TUSC3: variants seen among roughly 807,000 people sequenced by gnomAD.
TUSC3 encodes the protein dolichyl-diphosphooligosaccharide--protein glycosyltransferase subunit TUSC3.
Under a neutral mutation model 44.8 loss-of-function variants are expected in TUSC3, and 45 were observed. The ratio of observed to expected loss-of-function variants is 1.00; its 90% CI spans 0.79 to 1.29. The LOEUF is 1.29. Ranked by LOEUF, TUSC3 falls within the 50% of genes most tolerant of loss-of-function variation. The probability of loss-of-function intolerance (pLI) is 0.00; values close to 1 mark genes in which losing one functional copy is unlikely to be tolerated. For missense variants in TUSC3, 519 were observed against 437.9 expected (o/e 1.19, Z -1.65); for synonymous variants, 212 against 152.9 (o/e 1.39, Z -2.85).
Position 15,484,054 on chromosome 8 carries a change from A to T in TUSC3, n.189+571A>T, listed in dbSNP as rs189404955. Among the ~76,000 whole-genome samples, 77 of 152,242 alleles carry T rather than the reference A, an allele frequency of 5.1e-4. 1 individual carries two copies. Among genetic ancestry groups the T allele is most frequent in the African/African-American group, 1.8e-3 (76 of 41,548 alleles). ...TTTCTCTCCCACCGTATTAGTATGT[A>T]TGTTATATTAGGTCTATTTGTAGTG... On this transcript the variant is annotated intron_variant and non_coding_transcript_variant, in intron 2 of 5. Coordinates refer to the TUSC3 transcript ENST00000503191.
At chr8:15,608,455 C>CA (rs1236887308) in intron 1 of TUSC3, among the ~76,000 whole-genome samples, 4 of 152,142 alleles carry the variant, frequency 2.6e-5, no homozygotes, top group African/African-American at 9.7e-5. Flanking sequence ...TAATATTACT[C>CA]AGTCTTCCAC....
rs1252617740 is a variant in TUSC3, at chr8:15,743,594, G to A, written c.919G>A (p.Asp307Asn). ...LLNEAATSKG[D>N]VGKRRIICLV... is the part of the protein sequence containing the mutation. ...AAATGAAGCAGCAACTTCGAAAGGC[G>A]ATGTTGGAAAAAGACGGAGTAAGTC... The change falls in exon 8 of 11, where the codon GAT (aspartate) becomes AAT (asparagine). Residue 307 changes from aspartate (D) to asparagine (N), a missense_variant. Coordinates refer to ENST00000503731, the MANE Select transcript of TUSC3 (RefSeq NM_006765.4). 4 of 1,613,744 alleles carry A rather than the reference G, an allele frequency of 2.5e-6. No individual in the cohort carries two copies. Among genetic ancestry groups the A allele is most frequent in the Admixed American group, 3.3e-5 (2 of 59,982 alleles).
At chr8:15,631,137 GT>G (rs1482095727) in intron 2 of TUSC3, among the ~76,000 whole-genome samples, 6 of 152,096 alleles carry the variant, frequency 3.9e-5, no homozygotes, top group African/African-American at 1.2e-4. Context: ...TCTTTTTCTG[GT>G]TTGGCTAACG....
rs567686439 is a variant in TUSC3 at position 15,646,655 on chromosome 8, A to G, written c.309-4042A>G. ...AAAACATAATATTTTAATCAAAACAATGTTATGTGCTTCTTGTTTATAAAA... is the reference window on the plus strand; with the variant it reads ...AAAACATAATATTTTAATCAAAACAGTGTTATGTGCTTCTTGTTTATAAAA... On this transcript the variant is annotated intron_variant, in intron 2 of 10. Coordinates refer to ENST00000503731, the MANE Select transcript of TUSC3 (RefSeq NM_006765.4). Among the ~76,000 whole-genome samples the G allele has an allele frequency of 1.6e-4, 25 of 152,206 alleles. No homozygotes were observed. The East Asian group carries it at 1.7e-3, about 11-fold the overall frequency.
At chr8:15,485,057 T>C (rs1267795866) in intron 2 of TUSC3, among the ~76,000 whole-genome samples, 2 of 152,188 alleles carry the variant, frequency 1.3e-5, no homozygotes, top group Non-Finnish European at 1.5e-5. Flanking sequence ...AGGTCATTCA[T>C]TTTTCATTTG....
chr8:15,640,043 C>G (rs1176270896), intron 2 of TUSC3, among the ~76,000 whole-genome samples: 1 of 152,116 alleles, frequency 6.6e-6, no homozygotes, highest in Non-Finnish European at 1.5e-5. Context: ...CATATGGGAA[C>G]TTGGATTTTG....
intron 1 of TUSC3, among the ~76,000 whole-genome samples, chr8:15,549,451 C>T (rs758897931): frequency 1.1e-4 from 16 of 151,698 alleles, no homozygotes; most frequent in African/African-American, 3.6e-4. Context: ...GGATTACAGG[C>T]GTGAGCCACC....
At chr8:15,689,205 T>C in intron 6 of TUSC3, 2 of 364,720 alleles carry the variant, frequency 5.5e-6, no homozygotes, top group South Asian at 2.4e-5. Context: ...TGCTAAGCAT[T>C]CCATTTTCTC....
At chr8:15,761,088 A>G (rs1233764742) in intron 10 of TUSC3, among the ~76,000 whole-genome samples, 1 of 152,208 alleles carries the variant, frequency 6.6e-6, no homozygotes, top group Non-Finnish European at 1.5e-5. Flanking sequence ...TGGTTGTTAA[A>G]TGCTGATTGA....
the TUSC3 span, among the ~76,000 whole-genome samples, chr8:15,845,125 G>C: frequency 1.3e-5 from 2 of 152,076 alleles, no homozygotes; most frequent in Admixed American, 6.6e-5. Context: ...TCATAAGTTA[G>C]AACAAGAAGA....
chr8:15,824,961 A>T, the TUSC3 span, among the ~76,000 whole-genome samples: 2 of 152,168 alleles, frequency 1.3e-5, no homozygotes, highest in Non-Finnish European at 2.9e-5. Context: ...TTGACTCTCT[A>T]TATAAACTAG....
At chr8:15,636,881 T>C (rs1317110838) in intron 2 of TUSC3, among the ~76,000 whole-genome samples, 2 of 152,208 alleles carry the variant, frequency 1.3e-5, no homozygotes, top group African/African-American at 4.8e-5. Context: ...GTGTTTGTAG[T>C]CTGTTCACAT....
intron 9 of TUSC3, among the ~76,000 whole-genome samples, chr8:15,754,425 G>A (rs900612043): frequency 6.6e-6 from 1 of 152,100 alleles, no homozygotes; most frequent in Non-Finnish European, 1.5e-5. Context: ...ATGAATACAT[G>A]TTGCAGAGAT....
chr8:15,680,935 T>C (rs995864647), intron 6 of TUSC3, among the ~76,000 whole-genome samples: 1 of 152,188 alleles, frequency 6.6e-6, no homozygotes, highest in African/African-American at 2.4e-5. Flanking sequence ...GAAACCTCCT[T>C]GATTATAGTG....
intron 6 of TUSC3, among the ~76,000 whole-genome samples, chr8:15,712,636 T>G (rs1809905030): frequency 6.6e-6 from 1 of 152,112 alleles, no homozygotes; most frequent in African/African-American, 2.4e-5. Flanking sequence ...ACCGTCTATC[T>G]TCTTGCCAAT....
chr8:15,756,442 A>G (rs1585308940), intron 9 of TUSC3, among the ~76,000 whole-genome samples: 1 of 152,180 alleles, frequency 6.6e-6, no homozygotes, highest in African/African-American at 2.4e-5. Context: ...CTTCAGCTAT[A>G]CTAGCCATTT....
At chr8:15,429,567 G>A (rs547617687) in intron 1 of TUSC3, among the ~76,000 whole-genome samples, 2 of 121,898 alleles carry the variant, frequency 1.6e-5, no homozygotes, top group South Asian at 5.3e-4. Flanking sequence ...GTGCAGTATG[G>A]CCATTTTTTT....
chr8:15,604,745 ACT>A (rs1487486841), intron 1 of TUSC3, among the ~76,000 whole-genome samples: 13 of 151,722 alleles, frequency 8.6e-5, no homozygotes. Flanking sequence ...CAGAATGTTA[ACT>A]CTCTGAATAT....
At chr8:15,678,083 A>G (rs1808266221) in intron 6 of TUSC3, among the ~76,000 whole-genome samples, 1 of 152,178 alleles carries the variant, frequency 6.6e-6, no homozygotes, top group African/African-American at 2.4e-5. Context: ...GAGCCACTGA[A>G]CCTTATTTCT....
Sources: gnomAD v4.1 joint callset for allele counts (sites outside exome capture counted in the v4.1 genomes callset) on GRCh38, gnomAD v4.1.1 for gene constraint, MANE v1.5 for transcripts, NCBI Gene and HGNC (gene_info 2026-07-23, HGNC 2026-07-21) for gene names.